PPP1R17: variants seen among roughly 807,000 people sequenced by gnomAD.
PPP1R17 encodes protein phosphatase 1 regulatory subunit 17, also known as G-substrate.
In PPP1R17, 12 loss-of-function variants were observed where a neutral mutation model predicts 15.9. The ratio of observed to expected loss-of-function variants is 0.75; its 90% CI spans 0.48 to 1.22. The LOEUF (loss-of-function observed/expected upper bound fraction) is 1.22, where lower values mean the gene tolerates loss of function less well. Ranked by LOEUF, PPP1R17 falls within the 50% of genes most tolerant of loss-of-function variation. The pLI is 0.00. For missense variants in PPP1R17, 211 were observed against 187.3 expected, an observed-to-expected ratio of 1.13 and a Z score of -0.74; for synonymous variants, 63 against 64.5, an observed-to-expected ratio of 0.98 and a Z score of 0.11.
At chr7:31,697,843 T>A (rs1056996629) in intron 4 of PPP1R17, among the ~76,000 whole-genome samples, 1 of 152,232 alleles carries the variant, frequency 6.6e-6, no homozygotes, top group Non-Finnish European at 1.5e-5. Flanking sequence ...ACTAATATAA[T>A]AGAGAGGCTA....
intron 1 of PPP1R17, among the ~76,000 whole-genome samples, chr7:31,689,266 G>A (rs963283342): frequency 2.0e-5 from 3 of 152,200 alleles, no homozygotes; most frequent in African/African-American, 7.2e-5. Context: ...AGTCTTTGTA[G>A]TAGACACAGT....
rs746233559 is a variant in PPP1R17 at position 31,697,012 on chromosome 7, C to T, written c.283C>T (p.His95Tyr). 6.8e-6 allele frequency: 11 copies of T among 1,614,128 alleles called. No homozygotes were observed. The Admixed American group carries it at 1.2e-4, about 17-fold the overall frequency. ...LIKRYDVQER[H>Y]PKGKMIPVLH... Reference sequence around the variant, plus strand: ...TAAAAGATACGATGTTCAAGAGAGACATCCAAAGGGCAAAATGATCCCTGT... The same window carrying T: ...TAAAAGATACGATGTTCAAGAGAGATATCCAAAGGGCAAAATGATCCCTGT... Residue 95 changes from histidine (H) to tyrosine (Y), a missense_variant, in exon 4 of 5, where the codon CAT (histidine) becomes TAT (tyrosine). By Grantham distance (83) the His-to-Tyr change is moderately conservative (BLOSUM62 2). Coordinates refer to ENST00000342032, the MANE Select transcript of PPP1R17 (RefSeq NM_006658.5).
chr7:31,689,484 T>C (rs1477595937), intron 1 of PPP1R17, among the ~76,000 whole-genome samples: 2 of 152,086 alleles, frequency 1.3e-5, no homozygotes, highest in South Asian at 2.1e-4. Context: ...TGACACCTGC[T>C]TGGGGTAGAG....
intron 1 of PPP1R17, among the ~76,000 whole-genome samples, chr7:31,691,648 C>A (rs1792347117): frequency 6.6e-6 from 1 of 151,898 alleles, no homozygotes; most frequent in Admixed American, 6.6e-5. Context: ...GGGACGGGGA[C>A]AGATTTGTTC....
At chr7:31,703,178 C>G (rs1043374151) in intron 4 of PPP1R17, among the ~76,000 whole-genome samples, 1 of 152,246 alleles carries the variant, frequency 6.6e-6, no homozygotes, top group African/African-American at 2.4e-5. Context: ...CAAAAACTCT[C>G]AACAAATGTT....
At chr7:31,700,374 C>T (rs1038911245) in intron 4 of PPP1R17, among the ~76,000 whole-genome samples, 1 of 152,124 alleles carries the variant, frequency 6.6e-6, no homozygotes, top group African/African-American at 2.4e-5. Flanking sequence ...TCCTTACTCT[C>T]TTCAGTTATA....
intron 1 of PPP1R17, among the ~76,000 whole-genome samples, chr7:31,692,202 G>A (rs571648779): frequency 6.6e-6 from 1 of 152,286 alleles, no homozygotes; most frequent in Non-Finnish European, 1.5e-5. Flanking sequence ...ATCTGTCAGT[G>A]TGAGGGTGGG....
intron 4 of PPP1R17, among the ~76,000 whole-genome samples, chr7:31,706,496 G>C: frequency 6.6e-6 from 1 of 152,166 alleles, no homozygotes; most frequent in East Asian, 1.9e-4. Flanking sequence ...AAGGCATACA[G>C]TTGTATGAAA....
intron 4 of PPP1R17, among the ~76,000 whole-genome samples, chr7:31,699,191 C>A (rs1453291887): frequency 6.6e-6 from 1 of 152,104 alleles, no homozygotes; most frequent in East Asian, 1.9e-4. Context: ...TGAGGACTGC[C>A]TTTATTACTT....
intron 4 of PPP1R17, among the ~76,000 whole-genome samples, chr7:31,705,722 GA>G (rs1303342159): frequency 6.7e-6 from 1 of 148,574 alleles, no homozygotes; most frequent in Non-Finnish European, 1.5e-5. Context: ...AGATCTTTAT[GA>G]AATGCTTCAT....
rs780891414 is a variant in PPP1R17, at chr7:31,707,310, A to G, written c.*27A>G. On this transcript the variant is annotated 3_prime_UTR_variant, in exon 5 of 5. Transcript: ENST00000342032. ...GATAGTTCCCCTGAGACCACTTGTA[A>G]ATAGGTTAGATTGGTTCCCTGTGGT... 11 of 1,591,546 alleles carry G rather than the reference A, an allele frequency of 6.9e-6. No homozygotes were observed. The highest frequency in any genetic ancestry group is 7.8e-6 in the Non-Finnish European group (9 of 1,160,762).
chr7:31,700,546 CTAAGA>C (rs1386267939), intron 4 of PPP1R17, among the ~76,000 whole-genome samples: 4 of 152,130 alleles, frequency 2.6e-5, no homozygotes, highest in Admixed American at 1.3e-4. Flanking sequence ...GAAAATCTAG[CTAAGA>C]TAATTGGTGA....
intron 4 of PPP1R17, among the ~76,000 whole-genome samples, chr7:31,699,892 G>C (rs1792769689): frequency 1.3e-5 from 2 of 151,828 alleles, no homozygotes; most frequent in South Asian, 4.2e-4. Context: ...GCCCATATAA[G>C]ACTGTTAACT....
intron 1 of PPP1R17, among the ~76,000 whole-genome samples, chr7:31,687,537 A>C (rs1792153788): frequency 1.3e-5 from 2 of 152,322 alleles, no homozygotes; most frequent in South Asian, 4.1e-4. Flanking sequence ...TCATTTGCAA[A>C]GTTTCAAGAT....
At chr7:31,695,355 T>C in intron 2 of PPP1R17, 114 bp from the exon 3 acceptor site, 1 of 932,578 alleles carries the variant, frequency 1.1e-6, no homozygotes, top group Middle Eastern at 3.2e-4. Flanking sequence ...ACTTTTCCTT[T>C]TCAGGCCAAA....
intron 4 of PPP1R17, among the ~76,000 whole-genome samples, chr7:31,701,755 G>A (rs975787849): frequency 7.6e-4 from 116 of 152,192 alleles, no homozygotes; most frequent in Non-Finnish European, 1.4e-3. Flanking sequence ...CAACATTGAG[G>A]CAAGCCTCTC....
chr7:31,706,934 G>A (rs1793092760), intron 4 of PPP1R17, among the ~76,000 whole-genome samples: 1 of 152,196 alleles, frequency 6.6e-6, no homozygotes, highest in Admixed American at 6.5e-5. Flanking sequence ...GCAAGCTTAG[G>A]AGCAGAACTT....
At position 31,695,581 on chromosome 7, in the gene PPP1R17, G is replaced by A. The variant is rs745749054; in HGVS notation, c.195G>A (p.Arg65=). ...NVESDQKKPR[R]KDTPALHIPP... is the part of the protein sequence containing the mutation. Reference sequence around the variant, plus strand: ...AGTCAGACCAAAAAAAACCAAGGAGGAAAGATACACCGGCGCTGCACATCC... The same window carrying A: ...AGTCAGACCAAAAAAAACCAAGGAGAAAAGATACACCGGCGCTGCACATCC... Residue 65 remains arginine, a synonymous_variant, in exon 3 of 5, where the codon AGG becomes AGA. Transcript: ENST00000342032. The A allele has an allele frequency of 2.0e-5, 32 of 1,613,736 alleles. No homozygotes were observed. The highest frequency in any genetic ancestry group is 1.0e-4 in the Admixed American group (6 of 59,974).
intron 1 of PPP1R17, among the ~76,000 whole-genome samples, chr7:31,688,670 A>C (rs1244322518): frequency 6.6e-6 from 1 of 152,234 alleles, no homozygotes; most frequent in African/African-American, 2.4e-5. Flanking sequence ...ATTTACAAGT[A>C]TCTCTCTGTA....
Sources: allele counts gnomAD v4.1 joint callset (sites outside exome capture counted in the v4.1 genomes callset), GRCh38; gene constraint gnomAD v4.1.1; transcripts MANE v1.5; gene names NCBI Gene and HGNC (gene_info 2026-07-23, HGNC 2026-07-21).